Variants in RSL1D1 observed in about 807,000 individuals in gnomAD.
RSL1D1 encodes ribosomal L1 domain-containing protein 1.
In RSL1D1, 34 loss-of-function variants were observed where a neutral mutation model predicts 44.6. That is an observed-to-expected ratio of 0.76 (90% CI 0.58 to 1.02). The LOEUF (loss-of-function observed/expected upper bound fraction) is 1.02, where lower values mean the gene tolerates loss of function less well. Ranked by LOEUF, RSL1D1 falls within the 50% of genes least tolerant of loss-of-function variation. RSL1D1 has a pLI of 0.00. For missense variants in RSL1D1, 767 were observed against 568.1 expected (o/e 1.35, Z -3.56); for synonymous variants, 271 against 207.4 (o/e 1.31, Z -2.63).
At chr16:11,846,227 C>T (rs1393131222) in intron 5 of RSL1D1, among the ~76,000 whole-genome samples, 2 of 151,052 alleles carry the variant, frequency 1.3e-5, no homozygotes, top group Non-Finnish European at 3.0e-5. Flanking sequence ...CCTGTCTCTA[C>T]TAAAAATACA....
chr16:11,850,433 T>A lies in RSL1D1; in HGVS notation c.106-15A>T. ...GCCTTTCTAACCTGCAAAGTGGAAA[T>A]TAGACAAATAAGTGAAATGTTTTCA... is the stretch of plus-strand genomic sequence containing the variant. On this transcript the variant is annotated splice_polypyrimidine_tract_variant and intron_variant, in intron 1 of 8. Transcript: ENST00000571133. The A allele has an allele frequency of 6.3e-7, 1 of 1,586,358 alleles. No homozygotes were observed. Among genetic ancestry groups the A allele is most frequent in the Admixed American group, 2.0e-5 (1 of 50,580 alleles).
Position 11,846,786 on chromosome 16 carries a change from G to A in RSL1D1, c.442C>T (p.Leu148Phe). 2.5e-6 allele frequency: 4 copies of A among 1,613,290 alleles called. No homozygotes were observed. Among genetic ancestry groups the A allele is most frequent in the Non-Finnish European group, 3.4e-6 (4 of 1,179,332 alleles). Residue 148 changes from leucine (L) to phenylalanine (F), a missense_variant, in exon 4 of 9, where the codon CTT becomes TTT. Physicochemically the swap from Leu to Phe is conservative, Grantham distance 22. Coordinates refer to ENST00000571133, the MANE Select transcript of RSL1D1 (RefSeq NM_015659.3). ...EYKSYEAKLR[L>F]LSSFDFFLTD... ...AGGAAGAAATCAAAACTGCTCAGAA[G>A]GCGGAGCTTGGCTTCATAGGATTTA...
chr16:11,846,982 T>G, intron 3 of RSL1D1, 139 bp from the exon 4 acceptor site: 1 of 727,362 alleles, frequency 1.4e-6, no homozygotes, highest in South Asian at 1.8e-5. Context: ...CTTGAGGGCC[T>G]AAAATGTGCC....
chr16:11,851,134 T>C lies in RSL1D1; in HGVS notation c.105+274A>G, dbSNP rs554233940. 65 of 511,240 alleles carry C rather than the reference T, an allele frequency of 1.3e-4. No homozygotes were observed. The East Asian group carries it at 2.2e-3, about 17-fold the overall frequency. 31.7% of individuals were successfully genotyped at this position (511,240 alleles called of 1,614,324 possible). ...ACTAAGCGATTCGGTCAAGCGCTAATGATAGGGAAGCTAAGCCAGGTCGCC... is the reference window on the plus strand; with the variant it reads ...ACTAAGCGATTCGGTCAAGCGCTAACGATAGGGAAGCTAAGCCAGGTCGCC... On this transcript the variant is annotated intron_variant, in intron 1 of 8. Transcript: ENST00000571133.
chr16:11,846,586 T>A lies in RSL1D1; in HGVS notation c.550A>T (p.Asn184Tyr). ...CTTGATAAATTCTTGGACAGAAGGT[T>A]TACAGATACTGGAACTCTACAAAAT... ...YQRKKVPVSV[N>Y]LLSKNLSREI... Residue 184 changes from asparagine (N) to tyrosine (Y), a missense_variant, in exon 5 of 9, where the codon AAC becomes TAC. Asn to Tyr is a moderately radical substitution (Grantham distance 143). Transcript: ENST00000571133. 6.2e-7 allele frequency: 1 copy of A among 1,610,134 alleles called. No homozygotes were observed. The highest frequency in any genetic ancestry group is 8.5e-7 in the Non-Finnish European group (1 of 1,177,196).
In RSL1D1 at chr16:11,837,605, C is replaced by A. The variant is rs1466467073; in HGVS notation, c.*182G>T. On this transcript the variant is annotated 3_prime_UTR_variant, in exon 9 of 9. Coordinates refer to ENST00000571133, the MANE Select transcript of RSL1D1 (RefSeq NM_015659.3). ...GACCTTGTGATCCGCCTGCCTCGGC[C>A]TCCCAAAGTGCTGGGATTACAGGCG... The A allele has an allele frequency of 3.5e-6, 2 of 565,486 alleles. No individual in the cohort carries two copies. 35.0% of individuals were successfully genotyped at this position (565,486 alleles called of 1,614,324 possible). A position where few individuals can be genotyped will look rare whatever the true frequency, so the allele number is the denominator to read the frequency against.
chr16:11,838,976 G>A (rs565506716), intron 8 of RSL1D1, among the ~76,000 whole-genome samples: 2 of 152,178 alleles, frequency 1.3e-5, no homozygotes, highest in African/African-American at 4.8e-5. Flanking sequence ...GAGGAGCACA[G>A]CAGAGACACA....
In RSL1D1 at chr16:11,838,004, G is replaced by A. The variant is rs773894315; in HGVS notation, c.1256C>T (p.Ala419Val). The A allele has an allele frequency of 3.7e-6, 6 of 1,613,760 alleles. No individual in the cohort carries two copies. The African/African-American group carries it at 8.0e-5, about 22-fold the overall frequency. ...ALPASETPKA[A>V]ESETPGKSPE... Reference sequence around the variant, plus strand: ...GCTTTTCCCTGGGGTCTCAGACTCTGCAGCTTTTGGGGTCTCAGATGCTGG... The same window carrying A: ...GCTTTTCCCTGGGGTCTCAGACTCTACAGCTTTTGGGGTCTCAGATGCTGG... Residue 419 changes from alanine to valine, a missense_variant, in exon 9 of 9, where the codon GCA (alanine) becomes GTA (valine). Coordinates refer to ENST00000571133, the MANE Select transcript of RSL1D1 (RefSeq NM_015659.3).
chr16:11,838,039 T>C lies in RSL1D1; in HGVS notation c.1221A>G (p.Arg407=). Residue 407 remains arginine, a synonymous_variant, in exon 9 of 9, where the codon AGA becomes AGG. Coordinates refer to ENST00000571133, the MANE Select transcript of RSL1D1 (RefSeq NM_015659.3). ...GGGTCTCAGATGCTGGCAAAGCCTT[T>C]CTTTTCTTCCCACGAGGTGTGCTGG... is the stretch of plus-strand genomic sequence containing the variant. ...PNPSTPRGKK[R]KALPASETPK... 1 of 1,613,904 alleles carries C rather than the reference T, an allele frequency of 6.2e-7. No individual in the cohort carries two copies. Among genetic ancestry groups the C allele is most frequent in the East Asian group, 2.2e-5 (1 of 44,876 alleles).
intron 8 of RSL1D1, among the ~76,000 whole-genome samples, chr16:11,838,878 A>C (rs967096957): frequency 6.0e-5 from 9 of 151,058 alleles, no homozygotes; most frequent in Non-Finnish European, 1.2e-4. Flanking sequence ...ACAAAAAAAA[A>C]CTGTGAAGAC....
intron 5 of RSL1D1, among the ~76,000 whole-genome samples, chr16:11,842,901 G>A (rs896122947): frequency 6.8e-6 from 1 of 146,874 alleles, no homozygotes; most frequent in Non-Finnish European, 1.5e-5. Flanking sequence ...GATTACAGGC[G>A]CATGCCACCA....
rs946160676 is a variant in RSL1D1, at chr16:11,851,258, G to T, written c.105+150C>A. The T allele has an allele frequency of 1.6e-5, 12 of 746,302 alleles. No homozygotes were observed. In the Middle Eastern group the frequency reaches 9.3e-4, roughly 58 times the overall value. 46.2% of individuals were successfully genotyped at this position (746,302 alleles called of 1,614,324 possible). On this transcript the variant is annotated intron_variant, in intron 1 of 8. Transcript: ENST00000571133. ...GCAGGCGCCCACCCACGTGTGTAAA[G>T]GGGAGAGACAGCTGAGGCACACGGC...
intron 7 of RSL1D1, among the ~76,000 whole-genome samples, chr16:11,840,701 A>T (rs1222165459): frequency 6.6e-6 from 1 of 152,254 alleles, no homozygotes; most frequent in Non-Finnish European, 1.5e-5. Flanking sequence ...AGTACGAGTA[A>T]TACTGAAAAC....
In RSL1D1 at chr16:11,834,727, T is replaced by C. The variant is rs958725203; in HGVS notation, c.*3060A>G. ...CACATTTTAGATGTATATTCATTTATAGAAGCCCAAAAGGACAGTGGGGTT... is the reference window on the plus strand; with the variant it reads ...CACATTTTAGATGTATATTCATTTACAGAAGCCCAAAAGGACAGTGGGGTT... On this transcript the variant is annotated 3_prime_UTR_variant, in exon 9 of 9. Coordinates refer to ENST00000571133, the MANE Select transcript of RSL1D1 (RefSeq NM_015659.3). The C allele has an allele frequency of 2.0e-5, 3 of 152,242 alleles. No individual in the cohort carries two copies. The highest frequency in any genetic ancestry group is 4.8e-5 in the African/African-American group (2 of 41,468). 9.4% of individuals were successfully genotyped at this position (152,242 alleles called of 1,614,324 possible). A position where few individuals can be genotyped will look rare whatever the true frequency, so the allele number is the denominator to read the frequency against.
At chr16:11,848,472 T>C (rs2053814264) in intron 2 of RSL1D1, among the ~76,000 whole-genome samples, 1 of 152,210 alleles carries the variant, frequency 6.6e-6, no homozygotes, top group South Asian at 2.1e-4. Flanking sequence ...ACAAGCCTGG[T>C]TCAGAATTTT....
Position 11,836,080 on chromosome 16 carries a change from C to G in RSL1D1, c.*1707G>C, listed in dbSNP as rs2053715126. On this transcript the variant is annotated 3_prime_UTR_variant, in exon 9 of 9. Transcript: ENST00000571133. ...ATCATCTCAAGTAGCAGAGCAAATG[C>G]TAAACCATCACAGCTGTAAATCATG... 1 of 152,186 alleles carries G rather than the reference C, an allele frequency of 6.6e-6. No homozygotes were observed. Among genetic ancestry groups the G allele is most frequent in the Non-Finnish European group, 1.5e-5 (1 of 68,030 alleles). 9.4% of individuals were successfully genotyped at this position (152,186 alleles called of 1,614,324 possible). A position where few individuals can be genotyped will look rare whatever the true frequency, so the allele number is the denominator to read the frequency against.
At position 11,839,799 on chromosome 16, in the gene RSL1D1, G is replaced by A. The variant is rs148393242; in HGVS notation, c.1042C>T (p.Arg348Cys). 6.3e-5 allele frequency: 102 copies of A among 1,614,062 alleles called. No homozygotes were observed. The East Asian group carries it at 1.0e-3, about 16-fold the overall frequency. ...TTAACTTGGGCTTTTCCTCTGCCAC[G>A]TTTTTTCTTCCCATGCTCTGGGGTC... ...EQTPEHGKKK[R>C]GRGKAQVKAT... The change falls in exon 8 of 9, where the codon CGT becomes TGT. Residue 348 changes from arginine to cysteine, a missense_variant. Physicochemically the swap from Arg to Cys is radical, Grantham distance 180. Transcript: ENST00000571133.
In RSL1D1 at chr16:11,834,099, C is replaced by T. The variant is rs768325567; in HGVS notation, c.*3688G>A. ...GAGATTTCGCCCTCCTCTTGGCCCC[C>T]GGGGGAGACTACTGTTGGCTCCTAG... On this transcript the variant is annotated 3_prime_UTR_variant, in exon 9 of 9. Transcript: ENST00000571133. 2.0e-5 allele frequency: 3 copies of T among 152,022 alleles called. No individual in the cohort carries two copies. The highest frequency in any genetic ancestry group is 4.4e-5 in the Non-Finnish European group (3 of 68,022). 9.4% of individuals were successfully genotyped at this position (152,022 alleles called of 1,614,324 possible). A position where few individuals can be genotyped will look rare whatever the true frequency, so the allele number is the denominator to read the frequency against.
intron 1 of RSL1D1, chr16:11,851,174 T>A (rs538974313): frequency 1.7e-6 from 1 of 583,448 alleles, no homozygotes; most frequent in African/African-American, 1.9e-5. Context: ...CTATCTCATC[T>A]AGCTCCACAG....
Sources: gnomAD v4.1 joint callset for allele counts (sites outside exome capture counted in the v4.1 genomes callset) on GRCh38, gnomAD v4.1.1 for gene constraint, MANE v1.5 for transcripts, NCBI Gene and HGNC (gene_info 2026-07-23, HGNC 2026-07-21) for gene names.